Variants in FARS2 observed in about 807,000 individuals in gnomAD.
FARS2 encodes the protein phenylalanine--tRNA ligase, mitochondrial.
FARS2 carries 40 observed loss-of-function variants against 46.4 expected under a neutral mutation model. The ratio of observed to expected loss-of-function variants is 0.86; its 90% confidence interval spans 0.67 to 1.12. FARS2 has a LOEUF of 1.12. Among genes scored for constraint, FARS2 ranks in the 50% most tolerant of loss-of-function variants. The pLI is 0.00. For synonymous variants in FARS2, 234 were observed against 214.9 expected, an observed-to-expected ratio of 1.09 and a Z score of -0.78; for missense variants, 513 against 567.9, an observed-to-expected ratio of 0.90 and a Z score of 0.98.
intron 5 of FARS2, among the ~76,000 whole-genome samples, chr6:5,600,344 C>G (rs144754751): frequency 3.9e-4 from 60 of 152,210 alleles, no homozygotes; most frequent in African/African-American, 1.4e-3. Flanking sequence ...AATGAAGTAA[C>G]AGAACAAAAG....
intron 6 of FARS2, among the ~76,000 whole-genome samples, chr6:5,663,607 C>T (rs764652378): frequency 1.4e-4 from 22 of 152,124 alleles, no homozygotes; most frequent in African/African-American, 4.8e-4. Flanking sequence ...CTTAAAAGAG[C>T]GGAGAGGAGA....
At chr6:5,434,478 T>C (rs1763406759) in intron 4 of FARS2, among the ~76,000 whole-genome samples, 1 of 152,242 alleles carries the variant, frequency 6.6e-6, no homozygotes, top group South Asian at 2.1e-4. Flanking sequence ...GACAATTTTA[T>C]AGAACGGATT....
intron 6 of FARS2, among the ~76,000 whole-genome samples, chr6:5,625,881 T>G (rs1392871332): frequency 2.0e-5 from 3 of 152,206 alleles, no homozygotes; most frequent in African/African-American, 7.2e-5. Flanking sequence ...ATCACAAGGC[T>G]GAATCTCAGA....
At chr6:5,398,715 A>G (rs989938487) in intron 2 of FARS2, among the ~76,000 whole-genome samples, 1 of 152,136 alleles carries the variant, frequency 6.6e-6, no homozygotes, top group Non-Finnish European at 1.5e-5. Flanking sequence ...GTATCTGCAT[A>G]TATGTTACAA....
At chr6:5,739,320 A>AC (rs934790688) in intron 6 of FARS2, among the ~76,000 whole-genome samples, 1 of 121,884 alleles carries the variant, frequency 8.2e-6, no homozygotes, top group African/African-American at 3.6e-5. Flanking sequence ...ACATAGTGAG[A>AC]CCCCCGTCTC....
At chr6:5,437,910 A>G (rs976812552) in intron 4 of FARS2, among the ~76,000 whole-genome samples, 1 of 152,190 alleles carries the variant, frequency 6.6e-6, no homozygotes. Flanking sequence ...TTCAATAAGA[A>G]AAACTTTCCT....
chr6:5,544,020 G>C (rs1005656891), intron 4 of FARS2, among the ~76,000 whole-genome samples: 5 of 152,022 alleles, frequency 3.3e-5, no homozygotes, highest in Non-Finnish European at 5.9e-5. Flanking sequence ...TTACCAGGTT[G>C]AAATCAAGGC....
Position 5,489,985 on chromosome 6 carries a change from G to A in FARS2, c.905-55195G>A, listed in dbSNP as rs1469848466. Among the ~76,000 whole-genome samples, 3 of 152,098 alleles carry A rather than the reference G, an allele frequency of 2.0e-5. No individual in the cohort carries two copies. The East Asian group carries it at 5.8e-4, about 29-fold the overall frequency. The stretch of plus-strand genomic sequence containing the variant: ...AACTTCAGTAAGTATATAGAGTCGC[G>A]TAGGCACAATATCAAGATACAGAGA... On this transcript the variant is annotated intron_variant, in intron 4 of 6. Transcript: ENST00000274680.
At chr6:5,616,380 G>A (rs6597150) in intron 6 of FARS2, among the ~76,000 whole-genome samples, 123,175 of 152,170 alleles carry the variant, frequency 0.81, 50,587 homozygotes, top group African/African-American at 0.95. Context: ...ACTGATTGCT[G>A]AGTACTAATT....
rs1015994762 is a variant in FARS2 at position 5,545,232 on chromosome 6, A to G, written c.957A>G (p.Leu319=). ...GWAFGLGLER[L]AMILYDIPDI... ...CTTTTGGCCTAGGATTAGAAAGGCT[A>G]GCCATGATCCTCTACGACATCCCTG... Residue 319 remains leucine, a synonymous_variant, in exon 5 of 7, where the codon CTA becomes CTG. Coordinates refer to ENST00000274680, the MANE Select transcript of FARS2 (RefSeq NM_006567.5). 2 of 1,613,962 alleles carry G rather than the reference A, an allele frequency of 1.2e-6. No homozygotes were observed. The highest frequency in any genetic ancestry group is 2.7e-5 in the African/African-American group (2 of 74,930).
In FARS2 at chr6:5,480,021, G is replaced by GTGTTAACC. The variant is rs1766360745; in HGVS notation, c.904+48852_904+48859dup. Among the ~76,000 whole-genome samples the GTGTTAACC allele has an allele frequency of 2.0e-5, 3 of 152,246 alleles. No homozygotes were observed. In the South Asian group the frequency reaches 6.2e-4, roughly 31 times the overall value. ...TTCCAAAGAGTAGATTATTGGCTTAGTGTTAACCTGGAGGAATATTTCTAG... is the reference window on the plus strand; with the variant it reads ...TTCCAAAGAGTAGATTATTGGCTTAGTGTTAACCTGTTAACCTGGAGGAATATTTCTAG... On this transcript the variant is annotated intron_variant, in intron 4 of 6. Transcript: ENST00000274680.
At position 5,592,445 on chromosome 6, in the gene FARS2, A is replaced by G. The variant is rs76938301; in HGVS notation, c.1066-20724A>G. On this transcript the variant is annotated intron_variant, in intron 5 of 6. Transcript: ENST00000274680. Reference sequence around the variant, plus strand: ...CAACAACAAAAAACAAACCTGCCATATTTACTTTGACTGGTTCAAATCTTT... The same window carrying G: ...CAACAACAAAAAACAAACCTGCCATGTTTACTTTGACTGGTTCAAATCTTT... Among the ~76,000 whole-genome samples the G allele has an allele frequency of 4.4e-3, 676 of 152,076 alleles. 2 individuals carry two copies. The highest frequency in any genetic ancestry group is 7.8e-3 in the Non-Finnish European group (531 of 68,000).
At position 5,671,593 on chromosome 6, in the gene FARS2, C is replaced by T. The variant is rs142648571; in HGVS notation, c.1217+58273C>T. 1.9e-3 allele frequency among the ~76,000 whole-genome samples: 293 copies of T among 152,276 alleles called. 2 individuals are homozygous for T. The highest frequency in any genetic ancestry group is 6.6e-3 in the African/African-American group (276 of 41,554). On this transcript the variant is annotated intron_variant, in intron 6 of 6. Coordinates refer to ENST00000274680, the MANE Select transcript of FARS2 (RefSeq NM_006567.5). The stretch of plus-strand genomic sequence containing the variant: ...CTCAACACTGTCGGGCCAGTCTGGG[C>T]GTTATTTCTTCCTAAGCCTTCCAGC...
At chr6:5,294,660 A>G (rs1159660450) in intron 1 of FARS2, among the ~76,000 whole-genome samples, 1 of 152,130 alleles carries the variant, frequency 6.6e-6, no homozygotes, top group Non-Finnish European at 1.5e-5. Context: ...CACAGGACTC[A>G]GGGGAAAACT....
At chr6:5,514,531 A>G (rs530671642) in intron 4 of FARS2, among the ~76,000 whole-genome samples, 1 of 152,294 alleles carries the variant, frequency 6.6e-6, no homozygotes, top group East Asian at 1.9e-4. Context: ...TAGGGAATTC[A>G]CCCCACAATT....
At chr6:5,468,781 C>T (rs545262357) in intron 4 of FARS2, among the ~76,000 whole-genome samples, 2 of 152,148 alleles carry the variant, frequency 1.3e-5, no homozygotes, top group Non-Finnish European at 2.9e-5. Context: ...TCTGATCTTA[C>T]ACAGGAAAAT....
chr6:5,515,850 T>C lies in FARS2; in HGVS notation c.905-29330T>C, dbSNP rs375120828. Among the ~76,000 whole-genome samples the C allele has an allele frequency of 5.9e-5, 9 of 152,304 alleles. No homozygotes were observed. In the East Asian group the frequency reaches 1.2e-3, roughly 20 times the overall value. On this transcript the variant is annotated intron_variant, in intron 4 of 6. Coordinates refer to ENST00000274680, the MANE Select transcript of FARS2 (RefSeq NM_006567.5). ...TTAGCATATCATTTTAAAACAAAAA[T>C]AGAAAAATATTTTAAGTGGGTTTAC...
chr6:5,260,997 C>T (rs1252096407), upstream of FARS2: 5 of 1,114,204 alleles, frequency 4.5e-6, no homozygotes, highest in African/African-American at 1.6e-5. Context: ...CTCCGCCCCG[C>T]CCCGATCCCG....
intron 6 of FARS2, among the ~76,000 whole-genome samples, chr6:5,721,470 A>G (rs775989123): frequency 3.3e-5 from 5 of 152,230 alleles, no homozygotes; most frequent in Non-Finnish European, 7.3e-5. Context: ...ATAATTTTTC[A>G]CTTGTTACAT....
Sources: gnomAD v4.1 joint callset for allele counts (sites outside exome capture counted in the v4.1 genomes callset) on GRCh38, gnomAD v4.1.1 for gene constraint, MANE v1.5 for transcripts, NCBI Gene and HGNC (gene_info 2026-07-23, HGNC 2026-07-21) for gene names.